The following KCTD8 variants were observed in gnomAD, a reference collection of about 807,000 sequenced individuals.
KCTD8 encodes potassium channel tetramerization domain containing 8.
Under a neutral mutation model 31.5 loss-of-function variants are expected in KCTD8, and 27 were observed. The observed-to-expected ratio is 0.86, with a 90% CI of 0.63 to 1.18. The LOEUF (loss-of-function observed/expected upper bound fraction) is 1.18. Ranked by LOEUF, KCTD8 falls within the 50% of genes most tolerant of loss-of-function variation. The pLI is 0.00. For missense variants in KCTD8, 658 were observed against 647.7 expected, an observed-to-expected ratio of 1.02 and a Z score of -0.17; for synonymous variants, 290 against 280.0, an observed-to-expected ratio of 1.04 and a Z score of -0.36.
chr4:44,289,074 A>C (rs909721541), intron 1 of KCTD8, among the ~76,000 whole-genome samples: 2 of 151,578 alleles, frequency 1.3e-5, no homozygotes, highest in African/African-American at 4.8e-5. Context: ...TCTTATCTTT[A>C]AAATAGAGAT....
chr4:44,203,253 A>C (rs1001896903), intron 1 of KCTD8, among the ~76,000 whole-genome samples: 1 of 152,166 alleles, frequency 6.6e-6, no homozygotes, highest in African/African-American at 2.4e-5. Flanking sequence ...CTATAATCCC[A>C]ACACGTTGGG....
At chr4:44,283,059 T>C (rs888276791) in intron 1 of KCTD8, among the ~76,000 whole-genome samples, 16 of 111,580 alleles carry the variant, frequency 1.4e-4, no homozygotes, top group Non-Finnish European at 3.0e-4. Flanking sequence ...ATTATTATTA[T>C]TATTATTATT....
At chr4:44,352,950 TATC>T (rs1223023045) in intron 1 of KCTD8, among the ~76,000 whole-genome samples, 3 of 152,238 alleles carry the variant, frequency 2.0e-5, no homozygotes, top group South Asian at 2.1e-4. Flanking sequence ...CATTTGTTGT[TATC>T]ATCATTTTAA....
At chr4:44,436,879 C>T (rs891610870) in intron 1 of KCTD8, among the ~76,000 whole-genome samples, 1 of 152,092 alleles carries the variant, frequency 6.6e-6, no homozygotes, top group African/African-American at 2.4e-5. Flanking sequence ...ACAAAGGCCA[C>T]TGCTCTGCTG....
intron 1 of KCTD8, among the ~76,000 whole-genome samples, chr4:44,431,503 C>T (rs1721506062): frequency 6.6e-6 from 1 of 151,256 alleles, no homozygotes; most frequent in African/African-American, 2.4e-5. Context: ...TAATGATTAC[C>T]CAGTCAAAAT....
intron 1 of KCTD8, among the ~76,000 whole-genome samples, chr4:44,183,241 C>T (rs1168691429): frequency 6.6e-6 from 1 of 152,068 alleles, no homozygotes; most frequent in Non-Finnish European, 1.5e-5. Flanking sequence ...TATGTGAATG[C>T]AATTTGTAAG....
rs1262483275 is a variant in KCTD8, at chr4:44,232,213, A to G, written c.962-56963T>C. Among the ~76,000 whole-genome samples, 17 of 152,250 alleles carry G rather than the reference A, an allele frequency of 1.1e-4. No homozygotes were observed. The South Asian group carries it at 3.3e-3, about 30-fold the overall frequency. ...CCAAAAGACTCCTTCATATTGCTCA[A>G]ACAGTCCTGCCTTTCTCTCTCTGCC... On this transcript the variant is annotated intron_variant, in intron 1 of 1. Transcript: ENST00000360029.
At chr4:44,231,480 A>G (rs758450265) in intron 1 of KCTD8, among the ~76,000 whole-genome samples, 4 of 152,180 alleles carry the variant, frequency 2.6e-5, no homozygotes, top group Non-Finnish European at 5.9e-5. Context: ...CTTGGTTTTT[A>G]GTTTATTTAT....
intron 1 of KCTD8, among the ~76,000 whole-genome samples, chr4:44,181,049 C>G (rs1713367967): frequency 1.3e-5 from 2 of 152,146 alleles, no homozygotes; most frequent in African/African-American, 4.8e-5. Context: ...TTAATTACAT[C>G]TATTCTTACT....
chr4:44,326,569 CATT>C (rs1718447473), intron 1 of KCTD8, among the ~76,000 whole-genome samples: 1 of 151,806 alleles, frequency 6.6e-6, no homozygotes, highest in African/African-American at 2.4e-5. Context: ...AAAGTTTAAG[CATT>C]ATTTTACTTT....
intron 1 of KCTD8, among the ~76,000 whole-genome samples, chr4:44,295,488 G>C (rs1458141056): frequency 6.6e-6 from 1 of 151,430 alleles, no homozygotes; most frequent in Non-Finnish European, 1.5e-5. Context: ...TCTGGGAAAG[G>C]GAGGGAAAGC....
chr4:44,206,975 C>T (rs1439982548), intron 1 of KCTD8, among the ~76,000 whole-genome samples: 2 of 152,076 alleles, frequency 1.3e-5, no homozygotes, highest in Non-Finnish European at 2.9e-5. Flanking sequence ...TTGTTGGGTC[C>T]TTTTAAGAGC....
intron 1 of KCTD8, among the ~76,000 whole-genome samples, chr4:44,301,613 A>G (rs1020111859): frequency 8.5e-5 from 13 of 152,080 alleles, no homozygotes; most frequent in African/African-American, 3.1e-4. Context: ...GATTCTGGAT[A>G]TTAGCCCTTT....
chr4:44,320,198 A>G (rs1012158718), intron 1 of KCTD8, among the ~76,000 whole-genome samples: 3 of 145,608 alleles, frequency 2.1e-5, no homozygotes, highest in African/African-American at 5.0e-5. Flanking sequence ...AAAAAAAAAA[A>G]AGAGAGAGAG....
At chr4:44,196,833 C>T (rs1713956028) in intron 1 of KCTD8, among the ~76,000 whole-genome samples, 1 of 152,192 alleles carries the variant, frequency 6.6e-6, no homozygotes, top group South Asian at 2.1e-4. Flanking sequence ...AGAGGCAACA[C>T]TCAAGAATAC....
chr4:44,360,825 C>A (rs1719475164), intron 1 of KCTD8, among the ~76,000 whole-genome samples: 1 of 152,006 alleles, frequency 6.6e-6, no homozygotes. Flanking sequence ...ATGCAATCTA[C>A]AAAAGCCCTT....
chr4:44,428,475 T>A (rs960887505), intron 1 of KCTD8, among the ~76,000 whole-genome samples: 1 of 151,678 alleles, frequency 6.6e-6, no homozygotes, highest in Non-Finnish European at 1.5e-5. Flanking sequence ...TGGGCTTCAT[T>A]TTCCTCACAC....
chr4:44,235,021 T>C (rs556966708), intron 1 of KCTD8, among the ~76,000 whole-genome samples: 56 of 152,286 alleles, frequency 3.7e-4, no homozygotes, highest in Admixed American at 3.7e-3. Flanking sequence ...GCTTGCTTCT[T>C]GTCTTATCTA....
intron 1 of KCTD8, among the ~76,000 whole-genome samples, chr4:44,336,495 G>A (rs969217400): frequency 6.6e-6 from 1 of 151,968 alleles, no homozygotes; most frequent in African/African-American, 2.4e-5. Flanking sequence ...TTTATGGTGA[G>A]TAACTGAAGG....
Sources: allele counts gnomAD v4.1 joint callset (sites outside exome capture counted in the v4.1 genomes callset), GRCh38; gene constraint gnomAD v4.1.1; transcripts MANE v1.5; gene names NCBI Gene and HGNC (gene_info 2026-07-23, HGNC 2026-07-21).